The following TTC28 variants were observed in gnomAD, a reference collection of about 807,000 sequenced individuals.
TTC28 encodes tetratricopeptide repeat protein 28.
Under a neutral mutation model 198.0 loss-of-function variants are expected in TTC28, and 61 were observed. The observed-to-expected ratio is 0.31, with a 90% CI of 0.25 to 0.38. TTC28 has a LOEUF of 0.38. TTC28 is among the 10% of genes least tolerant of loss of function. The pLI is 1.00. For synonymous variants in TTC28, 1,171 were observed against 1,297.8 expected (o/e 0.90, Z 2.10); for missense variants, 2,678 against 3,164.0 (o/e 0.85, Z 3.69).
At chr22:28,030,453 C>A in intron 12 of TTC28, 87 bp from the exon 13 acceptor site, 2 of 1,498,728 alleles carry the variant, frequency 1.3e-6, no homozygotes, top group South Asian at 1.3e-5. Flanking sequence ...GCCATTCTGT[C>A]ACCAAACGAA....
chr22:28,099,395 C>T (rs1474095872), intron 9 of TTC28, among the ~76,000 whole-genome samples: 1 of 152,328 alleles, frequency 6.6e-6, no homozygotes, highest in East Asian at 1.9e-4. Flanking sequence ...CCTGCTAACG[C>T]CGTATATATG....
At chr22:28,498,257 G>T (rs1030382390) in intron 2 of TTC28, among the ~76,000 whole-genome samples, 11 of 152,074 alleles carry the variant, frequency 7.2e-5, no homozygotes, top group Non-Finnish European at 1.5e-4. Flanking sequence ...GATCAACCAC[G>T]ATAAGGTTCA....
At chr22:28,509,702 T>C (rs1352056317) in intron 2 of TTC28, among the ~76,000 whole-genome samples, 1 of 150,798 alleles carries the variant, frequency 6.6e-6, no homozygotes, top group Non-Finnish European at 1.5e-5. Flanking sequence ...CTAAAGGAGA[T>C]GGAGACACGA....
At chr22:28,573,889 T>A (rs577884723) in intron 2 of TTC28, among the ~76,000 whole-genome samples, 17 of 152,232 alleles carry the variant, frequency 1.1e-4, no homozygotes, top group Non-Finnish European at 2.1e-4. Flanking sequence ...CATTCTACTC[T>A]ATCTCTGTGA....
intron 5 of TTC28, among the ~76,000 whole-genome samples, chr22:28,187,018 G>C (rs1924262603): frequency 6.6e-6 from 1 of 152,196 alleles, no homozygotes; most frequent in African/African-American, 2.4e-5. Flanking sequence ...CAGTGGGAGA[G>C]AGGGAATAAA....
chr22:28,109,842 C>T (rs562364392), intron 6 of TTC28, among the ~76,000 whole-genome samples: 1 of 152,282 alleles, frequency 6.6e-6, no homozygotes, highest in East Asian at 1.9e-4. Flanking sequence ...GTGACTAAAA[C>T]CTACAGAAGC....
At chr22:28,417,447 C>T (rs1049608375) in intron 2 of TTC28, among the ~76,000 whole-genome samples, 1 of 151,920 alleles carries the variant, frequency 6.6e-6, no homozygotes, top group Non-Finnish European at 1.5e-5. Flanking sequence ...TGCACTCCAG[C>T]CTGGGCAACA....
At chr22:28,387,874 T>G (rs2046637841) in intron 2 of TTC28, among the ~76,000 whole-genome samples, 2 of 152,366 alleles carry the variant, frequency 1.3e-5, no homozygotes, top group South Asian at 4.1e-4. Context: ...CAATTTTGGC[T>G]TTGGTTGCCA....
chr22:27,983,739 G>C lies in TTC28; in HGVS notation c.5928C>G (p.Pro1976=). ...NALPLGYQQP[P]FSPTGADSIA... ...TGCTGTCCGCACCGGTGGGAGAGAA[G>C]GGGGGTTGCTGGTAACCCAAGGGCA... is the stretch of plus-strand genomic sequence containing the variant. The change falls in exon 23 of 23, where the codon CCC becomes CCG. Residue 1976 remains proline, a synonymous_variant. Transcript: ENST00000397906. The C allele has an allele frequency of 1.3e-6, 2 of 1,551,626 alleles. No individual in the cohort carries two copies. Among genetic ancestry groups the C allele is most frequent in the South Asian group, 1.2e-5 (1 of 84,044 alleles).
chr22:27,999,534 G>C, intron 15 of TTC28: 1 of 450,804 alleles, frequency 2.2e-6, no homozygotes, highest in Non-Finnish European at 4.0e-6. Context: ...GCCTTGATAT[G>C]ACAGAGTGGA....
At chr22:28,393,006 A>T (rs1428497584) in intron 2 of TTC28, among the ~76,000 whole-genome samples, 1 of 150,946 alleles carries the variant, frequency 6.6e-6, no homozygotes, top group Non-Finnish European at 1.5e-5. Context: ...CCTTCTGAGT[A>T]GCTGGGACCA....
chr22:28,196,905 A>T (rs539119393), intron 5 of TTC28, among the ~76,000 whole-genome samples: 1 of 152,074 alleles, frequency 6.6e-6, no homozygotes, highest in African/African-American at 2.4e-5. Flanking sequence ...ATTTGACCCA[A>T]CCATTCCATT....
At chr22:28,238,352 T>C (rs1012326836) in intron 5 of TTC28, among the ~76,000 whole-genome samples, 18 of 152,146 alleles carry the variant, frequency 1.2e-4, no homozygotes, top group African/African-American at 4.1e-4. Flanking sequence ...CTGTATCTAA[T>C]CTCTTTTTAA....
chr22:28,004,664 G>A (rs138658), intron 14 of TTC28, among the ~76,000 whole-genome samples: 10,500 of 152,248 alleles, frequency 0.069, 425 homozygotes, highest in South Asian at 0.09. Context: ...GTGTGGGCTT[G>A]TGGGGAGACG....
intron 2 of TTC28, among the ~76,000 whole-genome samples, chr22:28,604,600 C>T (rs1017201843): frequency 2.6e-5 from 4 of 150,954 alleles, no homozygotes; most frequent in Admixed American, 6.6e-5. Context: ...AGAAATTAGC[C>T]GAGCATGGTG....
At chr22:28,318,941 T>C (rs2045400214) in intron 2 of TTC28, among the ~76,000 whole-genome samples, 1 of 150,780 alleles carries the variant, frequency 6.6e-6, no homozygotes, top group Non-Finnish European at 1.5e-5. Flanking sequence ...GTCTTAGCCT[T>C]GCAAGTAGTT....
intron 2 of TTC28, among the ~76,000 whole-genome samples, chr22:28,371,883 A>C (rs1306529071): frequency 0.074 from 10 of 136 alleles, no homozygotes; most frequent in African/African-American, 0.24. Context: ...CCCAGCCCCA[A>C]AAAAAAAAAA....
intron 2 of TTC28, among the ~76,000 whole-genome samples, chr22:28,387,453 C>T (rs2146047452): frequency 6.6e-6 from 1 of 152,334 alleles, no homozygotes; most frequent in African/African-American, 2.4e-5. Context: ...AGTTTACAGT[C>T]CCACCAACAG....
intron 2 of TTC28, among the ~76,000 whole-genome samples, chr22:28,569,308 G>A (rs1453832370): frequency 1.3e-5 from 2 of 152,056 alleles, no homozygotes; most frequent in African/African-American, 2.4e-5. Context: ...CAAGGCTACA[G>A]TAACCAAAAC....
Sources: allele counts gnomAD v4.1 joint callset (sites outside exome capture counted in the v4.1 genomes callset), GRCh38; gene constraint gnomAD v4.1.1; transcripts MANE v1.5; gene names NCBI Gene and HGNC (gene_info 2026-07-23, HGNC 2026-07-21).